Variants in ADORA2B observed in about 807,000 individuals in gnomAD.
The protein encoded by ADORA2B is adenosine A2b receptor.
In ADORA2B, 18 loss-of-function variants were observed where a neutral mutation model predicts 20.8. That is an observed-to-expected ratio of 0.87 (90% CI 0.60 to 1.29). The LOEUF is 1.29. Ranked by LOEUF, ADORA2B falls within the 50% of genes most tolerant of loss-of-function variation. The pLI is 0.00. For missense variants in ADORA2B, 441 were observed against 422.7 expected (o/e 1.04, Z -0.38); for synonymous variants, 179 against 178.3 (o/e 1.00, Z -0.03).
chr17:15,944,291 T>C (rs1376103173), upstream of ADORA2B, among the ~76,000 whole-genome samples: 2 of 152,004 alleles, frequency 1.3e-5, no homozygotes, highest in African/African-American at 4.8e-5. The surrounding 1 kb of genome is among the most constrained non-coding windows in gnomAD (Gnocchi z 4.8). Flanking sequence ...CAGTGGGGTG[T>C]TAGGATCTGG....
chr17:15,885,906 C>A, the ADORA2B span, among the ~76,000 whole-genome samples: 1 of 152,102 alleles, frequency 6.6e-6, no homozygotes, highest in African/African-American at 2.4e-5. Context: ...AGGAGCTGGT[C>A]ACAGTTTGGG....
the ADORA2B span, among the ~76,000 whole-genome samples, chr17:15,923,651 G>A: frequency 2.6e-5 from 4 of 151,108 alleles, no homozygotes; most frequent in South Asian, 2.1e-4. Flanking sequence ...CGTGATCCAC[G>A]CGCTTCGGCC....
At chr17:15,907,282 A>G in the ADORA2B span, among the ~76,000 whole-genome samples, 2 of 151,846 alleles carry the variant, frequency 1.3e-5, no homozygotes, top group Non-Finnish European at 2.9e-5. Flanking sequence ...CACCTTTCTC[A>G]TGACTAATGA....
chr17:15,918,937 G>A, the ADORA2B span, among the ~76,000 whole-genome samples: 1 of 152,156 alleles, frequency 6.6e-6, no homozygotes, highest in Admixed American at 6.5e-5. Context: ...CCAGGCAGGA[G>A]GAGCAAATAG....
At chr17:15,881,448 T>C in the ADORA2B span, among the ~76,000 whole-genome samples, 4 of 152,228 alleles carry the variant, frequency 2.6e-5, no homozygotes, top group Non-Finnish European at 5.9e-5. Context: ...GAATTTATCA[T>C]TTTAACTGTT....
the ADORA2B span, among the ~76,000 whole-genome samples, chr17:15,894,173 A>G: frequency 1.3e-5 from 2 of 152,242 alleles, no homozygotes; most frequent in East Asian, 1.9e-4. Context: ...ACAGCAGTCA[A>G]CAAGAGACAT....
the ADORA2B span, among the ~76,000 whole-genome samples, chr17:15,901,780 G>A: frequency 6.6e-6 from 1 of 152,128 alleles, no homozygotes; most frequent in Non-Finnish European, 1.5e-5. Context: ...CTATTATATT[G>A]TAATTTATCT....
upstream of ADORA2B, among the ~76,000 whole-genome samples, chr17:15,940,482 A>T (rs1250262700): frequency 2.0e-5 from 3 of 152,100 alleles, no homozygotes; most frequent in Non-Finnish European, 4.4e-5. Context: ...TTTTGTGGGG[A>T]GCTGAGGCCT....
chr17:15,955,958 G>A (rs1040129366), intron 1 of ADORA2B, among the ~76,000 whole-genome samples: 1 of 152,036 alleles, frequency 6.6e-6, no homozygotes, highest in African/African-American at 2.4e-5. Flanking sequence ...GACCTCAAGC[G>A]ATCTGCCTGC....
chr17:15,884,212 A>T, the ADORA2B span, among the ~76,000 whole-genome samples: 1 of 152,090 alleles, frequency 6.6e-6, no homozygotes, highest in Non-Finnish European at 1.5e-5. Flanking sequence ...CATCTGCATA[A>T]AAGAGGGGAA....
chr17:15,893,181 C>T, the ADORA2B span, among the ~76,000 whole-genome samples: 5 of 152,192 alleles, frequency 3.3e-5, no homozygotes, highest in Admixed American at 6.5e-5. Context: ...TTTAAGCTCT[C>T]CTAGAGACCT....
chr17:15,917,058 C>T, the ADORA2B span, among the ~76,000 whole-genome samples: 4 of 152,330 alleles, frequency 2.6e-5, no homozygotes, highest in Middle Eastern at 3.4e-3. Flanking sequence ...CAGTGGCTTC[C>T]CAGCTCTTTG....
chr17:15,952,517 C>T (rs1969918420), intron 1 of ADORA2B, among the ~76,000 whole-genome samples: 1 of 152,162 alleles, frequency 6.6e-6, no homozygotes, highest in South Asian at 2.1e-4. Flanking sequence ...ATGTGAGCAG[C>T]TGGAGGGAAG....
At chr17:15,905,248 T>G in the ADORA2B span, among the ~76,000 whole-genome samples, 2 of 150,890 alleles carry the variant, frequency 1.3e-5, no homozygotes, top group Non-Finnish European at 3.0e-5. Flanking sequence ...CTGCACATAT[T>G]TTGTTAGATT....
chr17:15,854,532 A>G, the ADORA2B span, among the ~76,000 whole-genome samples: 1 of 152,222 alleles, frequency 6.6e-6, no homozygotes, highest in Non-Finnish European at 1.5e-5. Flanking sequence ...ATGGTGAAAT[A>G]TTGGACGCTT....
Position 15,975,292 on chromosome 17 carries a change from A to T in ADORA2B, c.949A>T (p.Ser317Cys). Residue 317 changes from serine to cysteine, a missense_variant, in exon 2 of 2, where the codon AGT (serine) becomes TGT (cysteine). Coordinates refer to ENST00000304222, the MANE Select transcript of ADORA2B (RefSeq NM_000676.4). ...TCTTCTCTGCCAAGCAGATGTCAAGAGTGGGAATGGTCAGGCTGGGGTACA... is the reference window on the plus strand; with the variant it reads ...TCTTCTCTGCCAAGCAGATGTCAAGTGTGGGAATGGTCAGGCTGGGGTACA... ...RYLLCQADVK[S>C]GNGQAGVQPA... 2 of 1,613,272 alleles carry T rather than the reference A, an allele frequency of 1.2e-6. No homozygotes were observed. Among genetic ancestry groups the T allele is most frequent in the Non-Finnish European group, 1.7e-6 (2 of 1,179,980 alleles).
the ADORA2B span, among the ~76,000 whole-genome samples, chr17:15,881,404 T>C: frequency 1.2e-4 from 18 of 152,206 alleles, no homozygotes; most frequent in African/African-American, 3.4e-4. Context: ...CCCGGCCTCT[T>C]TATTTATTTT....
chr17:15,928,297 A>G, the ADORA2B span, among the ~76,000 whole-genome samples: 2 of 150,504 alleles, frequency 1.3e-5, no homozygotes, highest in African/African-American at 4.9e-5. Context: ...GAACAGAGAA[A>G]TGGGGAGATC....
intron 1 of ADORA2B, among the ~76,000 whole-genome samples, chr17:15,949,840 G>A (rs1336504757): frequency 6.6e-6 from 1 of 152,056 alleles, no homozygotes; most frequent in African/African-American, 2.4e-5. Context: ...TGACAATAGC[G>A]AAACTCTGTC....
Sources: allele counts gnomAD v4.1 joint callset (sites outside exome capture counted in the v4.1 genomes callset), GRCh38; gene constraint gnomAD v4.1.1; non-coding constraint Gnocchi (gnomAD v3.1); transcripts MANE v1.5; gene names NCBI Gene and HGNC (gene_info 2026-07-23, HGNC 2026-07-21).